Variants in DCAF17 observed in about 807,000 individuals in gnomAD.
The protein encoded by DCAF17 is DDB1- and CUL4-associated factor 17.
A neutral mutation model predicts 66.0 loss-of-function variants in DCAF17; 48 were observed. That is an observed-to-expected ratio of 0.73 (90% CI 0.58 to 0.92). The LOEUF is 0.92. DCAF17 is among the 40% of genes least tolerant of loss of function. DCAF17 has a pLI of 0.00. For missense variants in DCAF17, 562 were observed against 622.8 expected, an observed-to-expected ratio of 0.90 and a Z score of 1.04; for synonymous variants, 206 against 214.6, an observed-to-expected ratio of 0.96 and a Z score of 0.35.
In DCAF17 at chr2:171,483,179, CAG is replaced by C. The variant is rs759321882; in HGVS notation, c.*2068_*2069del. ...CAATGAAGCATGCTTCCCAGCTCGC[CAG>C]AGTGTCACACAGCTGCTCATTCTGC... On this transcript the variant is annotated 3_prime_UTR_variant, in exon 14 of 14. Coordinates refer to ENST00000375255, the MANE Select transcript of DCAF17 (RefSeq NM_025000.4). 4.2e-5 allele frequency: 19 copies of C among 453,988 alleles called. No homozygotes were observed. The highest frequency in any genetic ancestry group is 6.8e-4 in the Middle Eastern group (1 of 1,464). 28.1% of individuals were successfully genotyped at this position (453,988 alleles called of 1,614,324 possible).
At chr2:171,469,508 A>C (rs929024866) in intron 9 of DCAF17, among the ~76,000 whole-genome samples, 1 of 152,238 alleles carries the variant, frequency 6.6e-6, no homozygotes, top group African/African-American at 2.4e-5. Flanking sequence ...TATTTATGGC[A>C]GAGTAGGTAG....
rs995154774 is a variant in DCAF17, at chr2:171,461,545, T to C, written c.838+3068T>C. Among the ~76,000 whole-genome samples, 10 of 152,226 alleles carry C rather than the reference T, an allele frequency of 6.6e-5. No homozygotes were observed. The East Asian group carries it at 7.7e-4, about 12-fold the overall frequency. On this transcript the variant is annotated intron_variant, in intron 8 of 13. Coordinates refer to ENST00000375255, the MANE Select transcript of DCAF17 (RefSeq NM_025000.4). ...TACATGGGGTTAACTGTTATCTCCT[T>C]GATGTGTAATTTTCTAATCTTATAA...
At position 171,482,414 on chromosome 2, in the gene DCAF17, T is replaced by C; in HGVS notation, c.*1300T>C. ...CCATGTTAAGAATGATGTGAATTCT[T>C]CCCAGTTCTGCCCTGGTGCTAGACA... On this transcript the variant is annotated 3_prime_UTR_variant, in exon 14 of 14. Coordinates refer to ENST00000375255, the MANE Select transcript of DCAF17 (RefSeq NM_025000.4). The C allele has an allele frequency of 2.2e-6, 1 of 454,078 alleles. No individual in the cohort carries two copies. The highest frequency in any genetic ancestry group is 1.6e-5 in the South Asian group (1 of 64,474). The allele number at this position is 454,078 out of a possible 1,614,324, so 28.1% of individuals were successfully genotyped here.
chr2:171,452,276 T>G (rs1694997969), intron 5 of DCAF17, among the ~76,000 whole-genome samples: 1 of 152,024 alleles, frequency 6.6e-6, no homozygotes, highest in African/African-American at 2.4e-5. Context: ...TTTAAGAAAT[T>G]CCCTTCAAAA....
In DCAF17 at chr2:171,434,315, A is replaced by C. The variant is rs564120655; in HGVS notation, c.-263A>C. ...CGGCCGCGCGGTACCGGAGCGTCGC[A>C]CTGTCAGCGGCCAGAGAGCCTGGGG... On this transcript the variant is annotated 5_prime_UTR_variant, in exon 1 of 14. Coordinates refer to ENST00000375255, the MANE Select transcript of DCAF17 (RefSeq NM_025000.4). The C allele has an allele frequency of 1.3e-5, 8 of 639,200 alleles. No individual in the cohort carries two copies. In the Admixed American group the frequency reaches 1.7e-4, roughly 14 times the overall value. The allele number at this position is 639,200 out of a possible 1,614,324, so 39.6% of individuals were successfully genotyped here.
chr2:171,453,918 T>G, intron 6 of DCAF17, among the ~76,000 whole-genome samples: 1 of 152,230 alleles, frequency 6.6e-6, no homozygotes, highest in Non-Finnish European at 1.5e-5. Context: ...TTTTACATTA[T>G]GTAAGCATTA....
In DCAF17 at chr2:171,434,324, G is replaced by A. The variant is rs1420787403; in HGVS notation, c.-254G>A. ...GGTACCGGAGCGTCGCACTGTCAGCGGCCAGAGAGCCTGGGGCAGATCGAA... is the reference window on the plus strand; with the variant it reads ...GGTACCGGAGCGTCGCACTGTCAGCAGCCAGAGAGCCTGGGGCAGATCGAA... On this transcript the variant is annotated 5_prime_UTR_variant, in exon 1 of 14. Transcript: ENST00000375255. The A allele has an allele frequency of 4.5e-6, 3 of 666,326 alleles. No individual in the cohort carries two copies. Among genetic ancestry groups the A allele is most frequent in the South Asian group, 1.5e-5 (1 of 66,698 alleles). The allele number at this position is 666,326 out of a possible 1,614,324, so 41.3% of individuals were successfully genotyped here. A position where few individuals can be genotyped will look rare whatever the true frequency, so the allele number is the denominator to read the frequency against.
At chr2:171,445,467 T>C (rs1041649897) in intron 3 of DCAF17, among the ~76,000 whole-genome samples, 5 of 152,162 alleles carry the variant, frequency 3.3e-5, no homozygotes, top group Non-Finnish European at 5.9e-5. Context: ...TCATTTCAAC[T>C]GCAGCAAGAT....
intron 5 of DCAF17, 175 bp downstream of exon 5, chr2:171,450,132 AT>A: frequency 1.8e-6 from 1 of 560,672 alleles, no homozygotes; most frequent in Non-Finnish European, 3.2e-6. Context: ...TAACTAAGAA[AT>A]GGAAAACCAG....
intron 9 of DCAF17, among the ~76,000 whole-genome samples, chr2:171,471,262 G>T (rs557538919): frequency 3.4e-4 from 51 of 152,086 alleles, no homozygotes; most frequent in Non-Finnish European, 5.4e-4. Context: ...CCACCTGTTA[G>T]TCAGAAGAGT....
In DCAF17 at chr2:171,481,932, A is replaced by G. The variant is rs1039814085; in HGVS notation, c.*818A>G. On this transcript the variant is annotated 3_prime_UTR_variant, in exon 14 of 14. Transcript: ENST00000375255. The stretch of plus-strand genomic sequence containing the variant: ...TAGGCAATATTTGCATACTTATGCA[A>G]TAAGATAAAGGTACCCTTGCCTGCA... 1 of 454,070 alleles carries G rather than the reference A, an allele frequency of 2.2e-6. No homozygotes were observed. 28.1% of individuals were successfully genotyped at this position (454,070 alleles called of 1,614,324 possible). A position where few individuals can be genotyped will look rare whatever the true frequency, so the allele number is the denominator to read the frequency against.
intron 3 of DCAF17, among the ~76,000 whole-genome samples, chr2:171,447,694 G>A (rs1443608939): frequency 6.6e-6 from 1 of 152,184 alleles, no homozygotes; most frequent in African/African-American, 2.4e-5. Flanking sequence ...TAGAAACAGA[G>A]TCTTGCTGTG....
chr2:171,481,588 T>A lies in DCAF17; in HGVS notation c.*474T>A. ...TAAGGATGAGAAATGAGATGTGTTA[T>A]GTGAGAACATTATTTTGAGCCCAAA... On this transcript the variant is annotated 3_prime_UTR_variant, in exon 14 of 14. Coordinates refer to ENST00000375255, the MANE Select transcript of DCAF17 (RefSeq NM_025000.4). 2.2e-6 allele frequency: 1 copy of A among 454,128 alleles called. No individual in the cohort carries two copies. The highest frequency in any genetic ancestry group is 4.4e-6 in the Non-Finnish European group (1 of 226,766). The allele number at this position is 454,128 out of a possible 1,614,324, so 28.1% of individuals were successfully genotyped here.
chr2:171,442,341 G>A (rs991768652), intron 2 of DCAF17, among the ~76,000 whole-genome samples: 9 of 149,954 alleles, frequency 6.0e-5, no homozygotes, highest in Admixed American at 1.3e-4. Flanking sequence ...GGCAGATCAC[G>A]TGGTCAGGAG....
At chr2:171,475,716 T>C (rs1028000119) in intron 10 of DCAF17, among the ~76,000 whole-genome samples, 2 of 152,202 alleles carry the variant, frequency 1.3e-5, no homozygotes, top group Admixed American at 6.5e-5. Context: ...TGAGCTATGA[T>C]TGTAGCGCTG....
At chr2:171,446,581 GA>G (rs1282753701) in intron 3 of DCAF17, among the ~76,000 whole-genome samples, 2 of 151,728 alleles carry the variant, frequency 1.3e-5, no homozygotes. Flanking sequence ...AGTCAACTAA[GA>G]AAAATAATGA....
intron 5 of DCAF17, chr2:171,450,190 C>A: frequency 2.3e-6 from 1 of 443,134 alleles, no homozygotes; most frequent in Non-Finnish European, 4.2e-6. Context: ...CTTGAGGATG[C>A]AAAGGCATAA....
Position 171,476,876 on chromosome 2 carries a change from GAA to G in DCAF17, c.1110_1111del (p.Glu370AspfsTer4). On this transcript the variant is annotated frameshift_variant, in exon 11 of 14. Coordinates refer to ENST00000375255, the MANE Select transcript of DCAF17 (RefSeq NM_025000.4). LOFTEE classifies it high-confidence loss of function. ...CCTTCTCAGAGTTTTGAAGCTAACT[GAA>G]ATAGAAAATAATAGTTCTCAGCATC... ...PNQVKVLKLT[E>X]IENNSSQHQI... 1.2e-6 allele frequency: 2 copies of G among 1,613,538 alleles called. No homozygotes were observed. Among genetic ancestry groups the G allele is most frequent in the Non-Finnish European group, 1.7e-6 (2 of 1,179,676 alleles).
In DCAF17 at chr2:171,483,705, A is replaced by G. The variant is rs748228250; in HGVS notation, c.*2591A>G. The stretch of plus-strand genomic sequence containing the variant: ...TTCTATCTACTAGTCACTGTGATAC[A>G]GTATAAGTAAAGTGGGTTGTCTCAT... On this transcript the variant is annotated 3_prime_UTR_variant, in exon 14 of 14. Coordinates refer to ENST00000375255, the MANE Select transcript of DCAF17 (RefSeq NM_025000.4). The G allele has an allele frequency of 6.2e-4, 283 of 453,990 alleles. 1 individual carries two copies. The highest frequency in any genetic ancestry group is 1.2e-4 in the Non-Finnish European group (28 of 226,798). The allele number at this position is 453,990 out of a possible 1,614,324, so 28.1% of individuals were successfully genotyped here.
Sources: gnomAD v4.1 joint callset for allele counts (sites outside exome capture counted in the v4.1 genomes callset) on GRCh38, gnomAD v4.1.1 for gene constraint, MANE v1.5 for transcripts, NCBI Gene and HGNC (gene_info 2026-07-23, HGNC 2026-07-21) for gene names.